ATP13A1: variants seen among roughly 807,000 people sequenced by gnomAD.
ATP13A1 encodes endoplasmic reticulum transmembrane helix translocase.
Under a neutral mutation model 134.8 loss-of-function variants are expected in ATP13A1, and 55 were observed. The ratio of observed to expected loss-of-function variants is 0.41; its 90% CI spans 0.33 to 0.51. ATP13A1 has a LOEUF of 0.51. ATP13A1 is among the 20% of genes least tolerant of loss of function. The pLI is 0.29. For synonymous variants in ATP13A1, 775 were observed against 725.1 expected (o/e 1.07, Z -1.10); for missense variants, 1,389 against 1,652.8 (o/e 0.84, Z 2.77).
intron 19 of ATP13A1, among the ~76,000 whole-genome samples, chr19:19,648,144 C>A (rs1467927002): frequency 1.3e-5 from 2 of 151,826 alleles, no homozygotes; most frequent in East Asian, 3.9e-4. Flanking sequence ...TACGGCGAAA[C>A]CCCGTCTCTA....
In ATP13A1 at chr19:19,659,072, G is replaced by A. The variant is rs75386047; in HGVS notation, c.677+529C>T. On this transcript the variant is annotated intron_variant, in intron 3 of 25. Transcript: ENST00000357324. ...CGGGCTTCCAGCTGCAGACCCTCTG[G>A]GGTTCCTGCCAGCAGGCAAGTTCAG... Among the ~76,000 whole-genome samples, 1,084 of 152,316 alleles carry A rather than the reference G, an allele frequency of 7.1e-3. 42 individuals carry two copies. The East Asian group carries it at 0.11, about 15-fold the overall frequency.
chr19:19,648,405 T>C (rs886990319), intron 19 of ATP13A1, among the ~76,000 whole-genome samples: 29 of 151,342 alleles, frequency 1.9e-4, no homozygotes, highest in Non-Finnish European at 2.1e-4. Flanking sequence ...ACTCAATAAA[T>C]GCTTTAGTAG....
At chr19:19,662,048 T>A (rs1599440237) in intron 1 of ATP13A1, 3 of 1,567,298 alleles carry the variant, frequency 1.9e-6, no homozygotes, top group Non-Finnish European at 2.6e-6. Flanking sequence ...CGGCCCTTTC[T>A]GAGATCTGAA....
Position 19,647,906 on chromosome 19 carries a change from G to A in ATP13A1, c.2633-147C>T. The A allele has an allele frequency of 8.6e-6, 9 of 1,041,626 alleles. No individual in the cohort carries two copies. The highest frequency in any genetic ancestry group is 8.4e-5 in the South Asian group (5 of 59,488). 64.5% of individuals were successfully genotyped at this position (1,041,626 alleles called of 1,614,324 possible). ...TCCCCATTTCACCTGACACCCTAAG[G>A]AGACCTCAGAGAGTGCCCGTGTTGC... is the stretch of plus-strand genomic sequence containing the variant. On this transcript the variant is annotated intron_variant, in intron 19 of 25. Transcript: ENST00000357324. This position sits in a 1 kb window ranked among gnomAD's most constrained non-coding sequence, Gnocchi z 4.8.
At position 19,645,978 on chromosome 19, in the gene ATP13A1, G is replaced by A; in HGVS notation, c.3256C>T (p.Gln1086Ter). ...AQARSPEKQE[Q>*]FVDLYKEFEP... ...AACTCCTTGTACAAGTCCACGAACT[G>A]CTCCTGCCTGCAAGGACACATGGGA... Residue 1086 changes from glutamine (Q) to a stop codon, truncating the protein, a stop_gained, in exon 24 of 26, where the codon CAG (glutamine) becomes TAG (stop). Coordinates refer to ENST00000357324, the MANE Select transcript of ATP13A1 (RefSeq NM_020410.3). LOFTEE classifies it high-confidence loss of function. This position sits in a 1 kb window ranked among gnomAD's most constrained non-coding sequence, Gnocchi z 4.1. The A allele has an allele frequency of 6.2e-7, 1 of 1,611,620 alleles. No homozygotes were observed. The highest frequency in any genetic ancestry group is 8.5e-7 in the Non-Finnish European group (1 of 1,179,856).
chr19:19,652,857 T>A, intron 15 of ATP13A1, 137 bp from the exon 16 acceptor site: 1 of 1,267,310 alleles, frequency 7.9e-7, no homozygotes, highest in Non-Finnish European at 1.1e-6. Context: ...ATGCGAGGGT[T>A]GGGAGGGGAG....
rs778643575 is a variant in ATP13A1, at chr19:19,656,199, G to A, written c.1084-16C>T. 16 of 1,588,006 alleles carry A rather than the reference G, an allele frequency of 1.0e-5. No individual in the cohort carries two copies. The highest frequency in any genetic ancestry group is 5.7e-5 in the South Asian group (5 of 88,044). On this transcript the variant is annotated splice_polypyrimidine_tract_variant and intron_variant, in intron 7 of 25. Transcript: ENST00000357324. This position sits in a 1 kb window ranked among gnomAD's most constrained non-coding sequence, Gnocchi z 4.6. ...CGATGGGCTCCTGGGGAGGAAGATC[G>A]TGAATCTGGATGGCCAGGCCTACCT...
chr19:19,663,212 C>T (rs1162306551), intron 1 of ATP13A1, 59 bp downstream of exon 1: 16 of 1,551,698 alleles, frequency 1.0e-5, no homozygotes. Context: ...AAGGCCGCAG[C>T]TGGGACCCAC....
rs770821701 is a variant in ATP13A1, at chr19:19,654,547, G to T, written c.1809C>A (p.Thr603=). The T allele has an allele frequency of 1.9e-6, 3 of 1,605,800 alleles. No homozygotes were observed. In the African/African-American group the frequency reaches 4.0e-5, roughly 21 times the overall value. ...AMLTAVDWTL[T]KDEKVFPRSI... is the part of the protein sequence containing the mutation. Reference sequence around the variant, plus strand: ...CCTGAGGCCCCAGCCCCTCACCTTTGGTCAGCGTCCAGTCCACGGCCGTCA... The same window carrying T: ...CCTGAGGCCCCAGCCCCTCACCTTTTGTCAGCGTCCAGTCCACGGCCGTCA... Residue 603 remains threonine (T), a synonymous_variant, in exon 13 of 26, where the codon ACC becomes ACA. Coordinates refer to ENST00000357324, the MANE Select transcript of ATP13A1 (RefSeq NM_020410.3).
In ATP13A1 at chr19:19,653,793, A is replaced by C; in HGVS notation, c.2091T>G (p.Thr697=). Residue 697 remains threonine (T), a synonymous_variant, in exon 15 of 26, where the codon ACT becomes ACG. Transcript: ENST00000357324. The surrounding 1 kb of genome is among the most constrained non-coding windows in gnomAD (Gnocchi z 4.2). ...ALGYKELGHL[T]HQQAREVKRE... ...GAGCCTGGGCCCGTACCTGCTGGTGAGTGAGGTGTCCCAGCTCCTTGTACC... is the reference window on the plus strand; with the variant it reads ...GAGCCTGGGCCCGTACCTGCTGGTGCGTGAGGTGTCCCAGCTCCTTGTACC... The C allele has an allele frequency of 1.3e-6, 2 of 1,551,584 alleles. No individual in the cohort carries two copies. Among genetic ancestry groups the C allele is most frequent in the Non-Finnish European group, 1.7e-6 (2 of 1,147,084 alleles).
In ATP13A1 at chr19:19,653,753, TGGTGAA is replaced by T; in HGVS notation, c.2100+25_2100+30del. On this transcript the variant is annotated intron_variant, in intron 15 of 25. Transcript: ENST00000357324. This position sits in a 1 kb window ranked among gnomAD's most constrained non-coding sequence, Gnocchi z 4.2. ...GGGAGGAGCTGACGGGCCAGGCACATGGTGAAGGCAGGGGGAGCCTGGGCCCGTACC... is the reference window on the plus strand; with the variant it reads ...GGGAGGAGCTGACGGGCCAGGCACATGGCAGGGGGAGCCTGGGCCCGTACC... The T allele has an allele frequency of 6.6e-7, 1 of 1,515,014 alleles. No homozygotes were observed. Among genetic ancestry groups the T allele is most frequent in the Non-Finnish European group, 9.0e-7 (1 of 1,115,838 alleles). 93.8% of individuals were successfully genotyped at this position (1,515,014 alleles called of 1,614,324 possible). A position where few individuals can be genotyped will look rare whatever the true frequency, so the allele number is the denominator to read the frequency against.
In ATP13A1 at chr19:19,653,859, G is replaced by A. The variant is rs1188991436; in HGVS notation, c.2025C>T (p.His675=). ...SQCPPDYHHI[H]TEISREGARV... ...GGGCTCCTTCCCGGGAGATCTCGGT[G>A]TGGATGTGGTGGTAGTCGGGCGGGC... Residue 675 remains histidine (H), a synonymous_variant, in exon 15 of 26, where the codon CAC becomes CAT. Transcript: ENST00000357324. The surrounding 1 kb of genome is among the most constrained non-coding windows in gnomAD (Gnocchi z 4.2). 1.3e-6 allele frequency: 2 copies of A among 1,567,254 alleles called. No individual in the cohort carries two copies. Among genetic ancestry groups the A allele is most frequent in the Non-Finnish European group, 1.7e-6 (2 of 1,156,632 alleles).
At chr19:19,646,390 T>G in intron 22 of ATP13A1, 43 bp from the exon 23 acceptor site, 1 of 1,611,270 alleles carries the variant, frequency 6.2e-7, no homozygotes, top group Non-Finnish European at 8.5e-7. Context: ...TCTGGCTCAC[T>G]TGGGGCCACC....
rs753303367 is a variant in ATP13A1 at position 19,653,946 on chromosome 19, G to A, written c.1989+23C>T. On this transcript the variant is annotated intron_variant, in intron 14 of 25. Coordinates refer to ENST00000357324, the MANE Select transcript of ATP13A1 (RefSeq NM_020410.3). This position sits in a 1 kb window ranked among gnomAD's most constrained non-coding sequence, Gnocchi z 4.2. ...GGGCTGCCCCGCGCCCCCACCCCTTGCCCCAGGCTGGGGCCAGCTCACCAT... is the reference window on the plus strand; with the variant it reads ...GGGCTGCCCCGCGCCCCCACCCCTTACCCCAGGCTGGGGCCAGCTCACCAT... 5 of 1,581,552 alleles carry A rather than the reference G, an allele frequency of 3.2e-6. No homozygotes were observed. Among genetic ancestry groups the A allele is most frequent in the Admixed American group, 1.8e-5 (1 of 54,542 alleles).
Position 19,663,168 on chromosome 19 carries a change from A to G in ATP13A1, c.396+103T>C, listed in dbSNP as rs575729491. ...GCCCCTGGGAATCCAGGCCAGGCAG[A>G]TGAGTGGCCCAGGTCGCGATGGTGA... On this transcript the variant is annotated intron_variant, in intron 1 of 25. Transcript: ENST00000357324. 5 of 1,493,958 alleles carry G rather than the reference A, an allele frequency of 3.3e-6. No homozygotes were observed. In the African/African-American group the frequency reaches 5.6e-5, roughly 17 times the overall value. 92.5% of individuals were successfully genotyped at this position (1,493,958 alleles called of 1,614,324 possible). A position where few individuals can be genotyped will look rare whatever the true frequency, so the allele number is the denominator to read the frequency against.
chr19:19,663,588 T>C lies in ATP13A1; in HGVS notation c.79A>G (p.Lys27Glu), dbSNP rs2062108434. 6.8e-7 allele frequency: 1 copy of C among 1,461,372 alleles called. No individual in the cohort carries two copies. Among genetic ancestry groups the C allele is most frequent in the Non-Finnish European group, 9.0e-7 (1 of 1,117,182 alleles). 90.5% of individuals were successfully genotyped at this position (1,461,372 alleles called of 1,614,324 possible). Residue 27 changes from lysine (K) to glutamate (E), a missense_variant, in exon 1 of 26, where the codon AAG (lysine) becomes GAG (glutamate). Lys to Glu is a moderately conservative substitution (Grantham distance 56). Coordinates refer to ENST00000357324, the MANE Select transcript of ATP13A1 (RefSeq NM_020410.3). ...PCGVRPDGQPKPGPQPRALLA... is the reference protein window; with the variant it reads ...PCGVRPDGQPEPGPQPRALLA... The stretch of plus-strand genomic sequence containing the variant: ...AGCGCGCGCGGCTGCGGCCCGGGCT[T>C]GGGCTGCCCGTCAGGCCGGACCCCG...
rs1050527971 is a variant in ATP13A1, at chr19:19,645,562, G to C, written c.3505-30C>G. 15 of 1,571,490 alleles carry C rather than the reference G, an allele frequency of 9.5e-6. No homozygotes were observed. The highest frequency in any genetic ancestry group is 1.2e-5 in the Non-Finnish European group (14 of 1,158,602). Reference sequence around the variant, plus strand: ...CGGGGCAGGGAGGGATGGTGAGCTGGAGACCTGCAGCCCAGCTCAGGGTCA... The same window carrying C: ...CGGGGCAGGGAGGGATGGTGAGCTGCAGACCTGCAGCCCAGCTCAGGGTCA... On this transcript the variant is annotated intron_variant, in intron 25 of 25. Transcript: ENST00000357324. This position sits in a 1 kb window ranked among gnomAD's most constrained non-coding sequence, Gnocchi z 4.1.
In ATP13A1 at chr19:19,653,951, A is replaced by T. The variant is rs1291526321; in HGVS notation, c.1989+18T>A. ...GCCCCGCGCCCCCACCCCTTGCCCC[A>T]GGCTGGGGCCAGCTCACCATGGAGT... On this transcript the variant is annotated intron_variant, in intron 14 of 25. Coordinates refer to ENST00000357324, the MANE Select transcript of ATP13A1 (RefSeq NM_020410.3). The surrounding 1 kb of genome is among the most constrained non-coding windows in gnomAD (Gnocchi z 4.2). The T allele has an allele frequency of 6.3e-7, 1 of 1,584,622 alleles. No homozygotes were observed. The highest frequency in any genetic ancestry group is 1.8e-5 in the Admixed American group (1 of 55,074).
chr19:19,657,185 C>T (rs781052036), intron 4 of ATP13A1, 36 bp from the exon 5 acceptor site: 25 of 1,493,394 alleles, frequency 1.7e-5, no homozygotes, highest in Middle Eastern at 1.8e-4. Context: ...TTGCCCTACC[C>T]GCCCTGTTCC....
Sources: allele counts gnomAD v4.1 joint callset (sites outside exome capture counted in the v4.1 genomes callset), GRCh38; gene constraint gnomAD v4.1.1; non-coding constraint Gnocchi (gnomAD v3.1); transcripts MANE v1.5; gene names NCBI Gene and HGNC (gene_info 2026-07-23, HGNC 2026-07-21).